Variants in OAT observed in about 807,000 individuals in gnomAD.
OAT encodes ornithine aminotransferase, mitochondrial.
A neutral mutation model predicts 48.4 loss-of-function variants in OAT; 35 were observed. The ratio of observed to expected loss-of-function variants is 0.72; its 90% CI spans 0.55 to 0.96. The LOEUF (loss-of-function observed/expected upper bound fraction) is 0.96. Ranked by LOEUF, OAT falls within the 40% of genes least tolerant of loss-of-function variation. The pLI is 0.00. For missense variants in OAT, 438 were observed against 537.9 expected, an observed-to-expected ratio of 0.81 and a Z score of 1.84; for synonymous variants, 182 against 198.4, an observed-to-expected ratio of 0.92 and a Z score of 0.70.
Position 124,408,743 on chromosome 10 carries a change from G to T in OAT, c.422C>A (p.Thr141Lys). ...FNYHKVLPMN[T>K]GVEAGETACK... Reference sequence around the variant, plus strand: ...AACAAAAAAAGGAAATGTTTTACCTGTATTCATAGGAAGAACTTTGTGGTA... The same window carrying T: ...AACAAAAAAAGGAAATGTTTTACCTTTATTCATAGGAAGAACTTTGTGGTA... Residue 141 changes from threonine (T) to lysine (K), a missense_variant and splice_region_variant, in exon 3 of 10, where the codon ACA becomes AAA. Transcript: ENST00000368845. 6.3e-7 allele frequency: 1 copy of T among 1,597,836 alleles called. No individual in the cohort carries two copies. The highest frequency in any genetic ancestry group is 8.6e-7 in the Non-Finnish European group (1 of 1,165,948).
At chr10:124,404,158 G>C (rs1025962365) in intron 5 of OAT, among the ~76,000 whole-genome samples, 5 of 151,962 alleles carry the variant, frequency 3.3e-5, no homozygotes, top group African/African-American at 1.2e-4. Context: ...CTGGAGTATA[G>C]CAGCACAAAC....
chr10:124,408,670 A>T (rs757644770), intron 3 of OAT, 33 bp from the exon 4 acceptor site: 6 of 1,592,988 alleles, frequency 3.8e-6, no homozygotes, highest in East Asian at 2.2e-5. Flanking sequence ...AGATTTTTTT[A>T]AAATGTTAAA....
intron 1 of OAT, among the ~76,000 whole-genome samples, chr10:124,416,711 A>G (rs1951928187): frequency 6.6e-6 from 1 of 152,200 alleles, no homozygotes; most frequent in Admixed American, 6.5e-5. Context: ...AATTTAGCCT[A>G]TACTCTTAAA....
At chr10:124,407,046 C>G (rs12570630) in intron 4 of OAT, 1 of 985,242 alleles carries the variant, frequency 1.0e-6, no homozygotes, top group Non-Finnish European at 1.2e-6. Flanking sequence ...GCAGCAACTC[C>G]ATTAATCAGT....
chr10:124,399,338 CTTTTTTTTTT>C (rs937720307), intron 9 of OAT, among the ~76,000 whole-genome samples: 1 of 58,764 alleles, frequency 1.7e-5, no homozygotes, highest in Non-Finnish European at 3.0e-5. Context: ...CCAGGTGATT[CTTTTTTTTTT>C]TTTTTTTTTT....
intron 4 of OAT, chr10:124,407,480 C>A: frequency 1.0e-6 from 1 of 983,958 alleles, no homozygotes; most frequent in Non-Finnish European, 1.2e-6. Flanking sequence ...TGTTGTCCTA[C>A]AACGAAAGCA....
Position 124,415,074 on chromosome 10 carries a change from TAAAAAAAAAAAAAAAAAAAAA to T in OAT, c.-29-2895_-29-2875del, listed in dbSNP as rs75952005. ...CACTCCAGCCTGGGCTACAAAGCGC[TAAAAAAAAAAAAAAAAAAAAA>T]AAAAAAAAAAAAAAAAGGAATATCA... On this transcript the variant is annotated intron_variant, in intron 1 of 9. Transcript: ENST00000368845. 125 of 16,858 alleles carry T rather than the reference TAAAAAAAAAAAAAAAAAAAAA, an allele frequency of 7.4e-3. 3 individuals are homozygous for T. The East Asian group carries it at 0.15, about 21-fold the overall frequency. The allele number at this position is 16,858 out of a possible 1,614,324, so 1.0% of individuals were successfully genotyped here. A position where few individuals can be genotyped will look rare whatever the true frequency, so the allele number is the denominator to read the frequency against.
intron 4 of OAT, 121 bp from the exon 5 acceptor site, chr10:124,405,684 A>G: frequency 6.5e-7 from 1 of 1,534,336 alleles, no homozygotes; most frequent in Non-Finnish European, 8.8e-7. Context: ...GCTTTAGTGC[A>G]CCTTCGGTGG....
At chr10:124,415,430 A>C (rs1951889385) in intron 1 of OAT, among the ~76,000 whole-genome samples, 1 of 152,184 alleles carries the variant, frequency 6.6e-6, no homozygotes, top group Non-Finnish European at 1.5e-5. Flanking sequence ...TGAGTCAGCT[A>C]TTCTTAAGGT....
At chr10:124,405,659 A>G in intron 4 of OAT, 96 bp from the exon 5 acceptor site, 11 of 1,570,004 alleles carry the variant, frequency 7.0e-6, no homozygotes, top group Non-Finnish European at 9.5e-6. Flanking sequence ...GACTCAAAAA[A>G]TAAATCAAGG....
intron 1 of OAT, among the ~76,000 whole-genome samples, chr10:124,416,181 A>G (rs1951913021): frequency 6.6e-6 from 1 of 152,156 alleles, no homozygotes; most frequent in African/African-American, 2.4e-5. Flanking sequence ...ACTTGTTTTT[A>G]TGCCTATAAG....
intron 1 of OAT, chr10:124,414,479 A>G (rs1018200712): frequency 1.3e-5 from 2 of 152,218 alleles, no homozygotes; most frequent in African/African-American, 2.4e-5. Flanking sequence ...TTTTCCAAGA[A>G]GAAGGTCCAT....
At chr10:124,406,108 A>C in intron 4 of OAT, 1 of 985,258 alleles carries the variant, frequency 1.0e-6, no homozygotes, top group East Asian at 1.1e-4. Flanking sequence ...TTATGATGCT[A>C]AATGACAGAC....
At chr10:124,415,945 C>T (rs538971351) in intron 1 of OAT, among the ~76,000 whole-genome samples, 2 of 152,282 alleles carry the variant, frequency 1.3e-5, no homozygotes, top group African/African-American at 4.8e-5. Context: ...AAAAGACACA[C>T]ACACACCATT....
chr10:124,414,245 C>CT (rs1951846589), intron 1 of OAT: 1 of 152,186 alleles, frequency 6.6e-6, no homozygotes, highest in Non-Finnish European at 1.5e-5. Flanking sequence ...TGGAGTTTGG[C>CT]TTACTTCCCT....
intron 2 of OAT, among the ~76,000 whole-genome samples, chr10:124,409,892 G>A (rs1262505181): frequency 6.6e-6 from 1 of 152,122 alleles, no homozygotes; most frequent in Non-Finnish European, 1.5e-5. Context: ...TCCCTGGGAT[G>A]GTTATAATTA....
chr10:124,416,110 G>C (rs1027135570), intron 1 of OAT, among the ~76,000 whole-genome samples: 2 of 151,964 alleles, frequency 1.3e-5, no homozygotes, highest in Non-Finnish European at 2.9e-5. Context: ...TACTATTTAA[G>C]TCCCTCCTAG....
At chr10:124,399,338 C>CTTTTT (rs937720307) in intron 9 of OAT, among the ~76,000 whole-genome samples, 52 of 58,770 alleles carry the variant, frequency 8.8e-4, no homozygotes, top group Non-Finnish European at 1.1e-3. Context: ...CCAGGTGATT[C>CTTTTT]TTTTTTTTTT....
chr10:124,415,577 G>A (rs913330816), intron 1 of OAT, among the ~76,000 whole-genome samples: 5 of 152,224 alleles, frequency 3.3e-5, no homozygotes, highest in Non-Finnish European at 7.3e-5. Flanking sequence ...GGCACTGTAT[G>A]AGAAATCTTA....
Sources: allele counts gnomAD v4.1 joint callset (sites outside exome capture counted in the v4.1 genomes callset), GRCh38; gene constraint gnomAD v4.1.1; transcripts MANE v1.5; gene names NCBI Gene and HGNC (gene_info 2026-07-23, HGNC 2026-07-21).